ITGA2: variants seen among roughly 807,000 people sequenced by gnomAD.
ITGA2 encodes the protein integrin alpha-2.
Under a neutral mutation model 146.3 loss-of-function variants are expected in ITGA2, and 101 were observed. That is an observed-to-expected ratio of 0.69 (90% CI 0.59 to 0.81). The LOEUF is 0.81. Among genes scored for constraint, ITGA2 ranks in the 40% least tolerant of loss-of-function variants. The pLI, the probability that ITGA2 is intolerant of heterozygous loss-of-function variation, is 0.00. For missense variants in ITGA2, 1,281 were observed against 1,402.7 expected (o/e 0.91, Z 1.39); for synonymous variants, 477 against 487.1 (o/e 0.98, Z 0.27).
At chr5:53,071,369 T>C (rs976855036) in intron 17 of ITGA2, among the ~76,000 whole-genome samples, 9 of 152,008 alleles carry the variant, frequency 5.9e-5, no homozygotes, top group African/African-American at 2.2e-4. Context: ...TCTTTAAAGT[T>C]TAAAAAAACA....
intron 2 of ITGA2, among the ~76,000 whole-genome samples, chr5:53,038,207 TAA>T (rs34975562): frequency 0.073 from 10,572 of 144,270 alleles, 1,243 homozygotes; most frequent in African/African-American, 0.25. Context: ...GAGGCTCTGA[TAA>T]AAAAAAAAAA....
Position 53,042,233 on chromosome 5 carries a change from T to A in ITGA2, c.295+12T>A. On this transcript the variant is annotated intron_variant, in intron 3 of 29. Coordinates refer to ENST00000296585, the MANE Select transcript of ITGA2 (RefSeq NM_002203.4). ...ACTAAATTTGCAAAGTAAGTTTAAA[T>A]TTACTTGCAAGGCATGTGATTTGTC... 1 of 1,470,424 alleles carries A rather than the reference T, an allele frequency of 6.8e-7. No homozygotes were observed. The highest frequency in any genetic ancestry group is 9.5e-7 in the Non-Finnish European group (1 of 1,048,884). The allele number at this position is 1,470,424 out of a possible 1,614,324, so 91.1% of individuals were successfully genotyped here. A position where few individuals can be genotyped will look rare whatever the true frequency, so the allele number is the denominator to read the frequency against.
At chr5:53,030,439 G>T (rs1361318362) in intron 2 of ITGA2, among the ~76,000 whole-genome samples, 2 of 152,164 alleles carry the variant, frequency 1.3e-5, no homozygotes, top group Non-Finnish European at 2.9e-5. Context: ...GTGTAGCACT[G>T]AGATTAGGCT....
intron 1 of ITGA2, among the ~76,000 whole-genome samples, chr5:52,999,606 C>T (rs1741469045): frequency 1.3e-5 from 2 of 151,900 alleles, no homozygotes; most frequent in Non-Finnish European, 1.5e-5. Flanking sequence ...GATGCCTAAA[C>T]ATGCAGTAAG....
chr5:53,094,177 C>T lies in ITGA2; in HGVS notation c.*3578C>T, dbSNP rs990019547. The T allele has an allele frequency of 1.4e-5, 1 of 70,816 alleles. No homozygotes were observed. The highest frequency in any genetic ancestry group is 1.5e-4 in the Admixed American group (1 of 6,584). The allele number at this position is 70,816 out of a possible 1,614,324, so 4.4% of individuals were successfully genotyped here. ...GATCCCTGATCCATCTTTAATATTT[C>T]AATTTGCACACATAAAACAATGCCC... On this transcript the variant is annotated 3_prime_UTR_variant, in exon 30 of 30. Coordinates refer to ENST00000296585, the MANE Select transcript of ITGA2 (RefSeq NM_002203.4).
At chr5:53,083,540 G>A in intron 27 of ITGA2, 87 bp downstream of exon 27, 1 of 873,460 alleles carries the variant, frequency 1.1e-6, no homozygotes, top group East Asian at 2.5e-5. Context: ...GACAAAATAA[G>A]TATTCTGGCT....
At chr5:52,992,659 A>G (rs1012496963) in intron 1 of ITGA2, among the ~76,000 whole-genome samples, 3 of 152,158 alleles carry the variant, frequency 2.0e-5, no homozygotes, top group Non-Finnish European at 4.4e-5. Context: ...TTATGTCTGT[A>G]TGTAACTTTT....
intron 1 of ITGA2, among the ~76,000 whole-genome samples, chr5:53,021,012 T>C (rs766666445): frequency 3.3e-5 from 5 of 152,142 alleles, no homozygotes; most frequent in Non-Finnish European, 5.9e-5. Context: ...TTGATTCTTA[T>C]ACACTAAAGG....
intron 28 of ITGA2, among the ~76,000 whole-genome samples, chr5:53,088,004 C>T (rs1297829383): frequency 2.0e-5 from 3 of 152,144 alleles, no homozygotes; most frequent in Admixed American, 6.5e-5. Context: ...AATGATTCTA[C>T]GCAACAGAGC....
chr5:53,090,765 TG>T lies in ITGA2; in HGVS notation c.*172del, dbSNP rs1335800447. The stretch of plus-strand genomic sequence containing the variant: ...AGGTCAGTTTGGAATGAAGAAATTG[TG>T]GGGGGTGGGGGAGGTGCGGGGGGCA... On this transcript the variant is annotated 3_prime_UTR_variant, in exon 30 of 30. Coordinates refer to ENST00000296585, the MANE Select transcript of ITGA2 (RefSeq NM_002203.4). 7.6e-5 allele frequency: 6 copies of T among 79,296 alleles called. No individual in the cohort carries two copies. Among genetic ancestry groups the T allele is most frequent in the African/African-American group, 1.8e-4 (1 of 5,684 alleles). The allele number at this position is 79,296 out of a possible 1,614,324, so 4.9% of individuals were successfully genotyped here.
intron 1 of ITGA2, among the ~76,000 whole-genome samples, chr5:52,993,758 G>A (rs550598888): frequency 6.6e-6 from 1 of 152,256 alleles, no homozygotes; most frequent in South Asian, 2.1e-4. Flanking sequence ...GGAAGAATGG[G>A]GAAAATATTT....
chr5:53,040,385 G>T (rs1160115605), intron 2 of ITGA2, among the ~76,000 whole-genome samples: 2 of 152,088 alleles, frequency 1.3e-5, no homozygotes, highest in Non-Finnish European at 2.9e-5. Context: ...CAATTTTCTT[G>T]GTACCGACTC....
intron 29 of ITGA2, 96 bp from the exon 30 acceptor site, chr5:53,090,423 A>T: frequency 1.0e-6 from 1 of 955,424 alleles, no homozygotes; most frequent in Non-Finnish European, 1.7e-6. Context: ...AGGGATTCCC[A>T]GAGGTGCATC....
chr5:53,031,268 C>T (rs563394912), intron 2 of ITGA2, among the ~76,000 whole-genome samples: 6 of 152,168 alleles, frequency 3.9e-5, no homozygotes, highest in South Asian at 4.1e-4. Context: ...TAGCAAATTG[C>T]GAGTTCTTTT....
chr5:53,053,528 C>T (rs1243191552), intron 7 of ITGA2, among the ~76,000 whole-genome samples: 1 of 152,096 alleles, frequency 6.6e-6, no homozygotes, highest in Non-Finnish European at 1.5e-5. Flanking sequence ...TAGCATTTTT[C>T]CCTGGAAGGA....
At chr5:53,081,130 C>T (rs1018162886) in intron 25 of ITGA2, among the ~76,000 whole-genome samples, 1 of 152,004 alleles carries the variant, frequency 6.6e-6, no homozygotes, top group African/African-American at 2.4e-5. Flanking sequence ...CTTTAACCAC[C>T]CCCACTCCAT....
chr5:53,043,031 C>T (rs1743880227), intron 3 of ITGA2, among the ~76,000 whole-genome samples: 1 of 152,074 alleles, frequency 6.6e-6, no homozygotes, highest in Admixed American at 6.6e-5. Context: ...ATTTATGGCA[C>T]ATAATAGGGC....
At chr5:53,054,478 T>A (rs756358395) in intron 7 of ITGA2, among the ~76,000 whole-genome samples, 2 of 152,148 alleles carry the variant, frequency 1.3e-5, no homozygotes, top group Non-Finnish European at 2.9e-5. Context: ...ACTGCTAAGA[T>A]TTTATCCCAT....
intron 26 of ITGA2, 140 bp downstream of exon 26, chr5:53,081,836 A>C: frequency 1.5e-6 from 1 of 647,248 alleles, no homozygotes; most frequent in Non-Finnish European, 2.7e-6. Context: ...AGATTTAGAA[A>C]ATATTAGGTT....
Sources: gnomAD v4.1 joint callset for allele counts (sites outside exome capture counted in the v4.1 genomes callset) on GRCh38, gnomAD v4.1.1 for gene constraint, MANE v1.5 for transcripts, NCBI Gene and HGNC (gene_info 2026-07-23, HGNC 2026-07-21) for gene names.